The following CLDN14 variants were observed in gnomAD, a reference collection of about 807,000 sequenced individuals.
CLDN14 encodes the protein claudin-14.
CLDN14 carries 2 observed loss-of-function variants against 2.1 expected under a neutral mutation model. The ratio of observed to expected loss-of-function variants is 0.96; its 90% CI spans 0.39 to 3.01. The LOEUF (loss-of-function observed/expected upper bound fraction) is 3.01. CLDN14 is among the 30% of genes most tolerant of loss of function. The pLI, the probability that CLDN14 is intolerant of heterozygous loss-of-function variation, is 0.09. For missense variants in CLDN14, 298 were observed against 328.0 expected, an observed-to-expected ratio of 0.91 and a Z score of 0.71; for synonymous variants, 136 against 154.4, an observed-to-expected ratio of 0.88 and a Z score of 0.88.
intron 1 of CLDN14, among the ~76,000 whole-genome samples, chr21:36,467,059 G>A (rs1037562551): frequency 6.6e-6 from 1 of 152,172 alleles, no homozygotes; most frequent in Admixed American, 6.5e-5. Context: ...TCTGTGAAAG[G>A]CAATTGTGAA....
intron 1 of CLDN14, among the ~76,000 whole-genome samples, chr21:36,538,018 CAGAG>C (rs915036194): frequency 2.3e-5 from 3 of 130,222 alleles, no homozygotes; most frequent in Non-Finnish European, 3.5e-5. Flanking sequence ...TGTGTGTGTA[CAGAG>C]AGAGAGAGAG....
intron 2 of CLDN14, among the ~76,000 whole-genome samples, chr21:36,490,580 G>A (rs1463407827): frequency 6.6e-6 from 1 of 150,788 alleles, no homozygotes; most frequent in Non-Finnish European, 1.5e-5. Context: ...GTAGAGATGG[G>A]GTTTAACCAT....
intron 2 of CLDN14, among the ~76,000 whole-genome samples, chr21:36,492,427 C>T (rs1484532922): frequency 1.3e-4 from 10 of 77,686 alleles, no homozygotes; most frequent in Admixed American, 1.2e-3. Context: ...GGCGACAGAG[C>T]GAGACTCCGT....
At chr21:36,541,986 C>G in intron 1 of CLDN14, among the ~76,000 whole-genome samples, 1 of 152,250 alleles carries the variant, frequency 6.6e-6, no homozygotes, top group Admixed American at 6.5e-5. Context: ...CAGCCAGAGT[C>G]TCCCTCTGTC....
chr21:36,544,146 C>G lies in CLDN14; in HGVS notation c.-220+32265G>C, dbSNP rs1319531393. On this transcript the variant is annotated intron_variant, in intron 1 of 2. Coordinates refer to the CLDN14 transcript ENST00000342108. The surrounding 1 kb of genome is among the most constrained non-coding windows in gnomAD (Gnocchi z 4.1). Reference sequence around the variant, plus strand: ...ACACCAGCCCTTGGCTCCCTCCAACCCAGGTTTCCATTACCATGGTGCTGC... The same window carrying G: ...ACACCAGCCCTTGGCTCCCTCCAACGCAGGTTTCCATTACCATGGTGCTGC... 6.6e-6 allele frequency among the ~76,000 whole-genome samples: 1 copy of G among 152,252 alleles called. No homozygotes were observed. Among genetic ancestry groups the G allele is most frequent in the African/African-American group, 2.4e-5 (1 of 41,464 alleles).
At chr21:36,520,519 T>A (rs2087261724) in intron 1 of CLDN14, among the ~76,000 whole-genome samples, 1 of 152,234 alleles carries the variant, frequency 6.6e-6, no homozygotes, top group South Asian at 2.1e-4. Flanking sequence ...CACTTGGTTC[T>A]CATTCTGTCT....
chr21:36,472,733 T>C (rs2086725571), intron 1 of CLDN14, among the ~76,000 whole-genome samples: 1 of 152,196 alleles, frequency 6.6e-6, no homozygotes. Flanking sequence ...AGGTTCTGGC[T>C]GCTTGGGTTC....
rs58621477 is a variant in CLDN14, at chr21:36,489,800, C to T, written c.-82+20563G>A. Among the ~76,000 whole-genome samples the T allele has an allele frequency of 7.5e-3, 1,148 of 152,354 alleles. 13 individuals carry two copies. Among genetic ancestry groups the T allele is most frequent in the African/African-American group, 0.026 (1,068 of 41,576 alleles). Reference sequence around the variant, plus strand: ...TGCCAGGCATCATGTCCAGTCCTCACGGCTGGCCATAAGAAGATCCGGGCC... The same window carrying T: ...TGCCAGGCATCATGTCCAGTCCTCATGGCTGGCCATAAGAAGATCCGGGCC... On this transcript the variant is annotated intron_variant, in intron 2 of 2. Transcript: ENST00000342108.
At chr21:36,552,077 A>G (rs2087566946) in intron 1 of CLDN14, among the ~76,000 whole-genome samples, 1 of 152,236 alleles carries the variant, frequency 6.6e-6, no homozygotes, top group East Asian at 1.9e-4. Flanking sequence ...GCAACTGATT[A>G]TGTTCCTCAG....
intron 2 of CLDN14, among the ~76,000 whole-genome samples, chr21:36,492,687 T>C (rs916730518): frequency 1.3e-5 from 2 of 152,154 alleles, no homozygotes; most frequent in African/African-American, 4.8e-5. Flanking sequence ...CAATGGCTGC[T>C]GTCCTTACAA....
chr21:36,500,103 G>A (rs2087080237), intron 2 of CLDN14, among the ~76,000 whole-genome samples: 1 of 152,206 alleles, frequency 6.6e-6, no homozygotes. Context: ...TGGCTTAGCT[G>A]CAAAGTTCCC....
chr21:36,493,202 A>G (rs1034004447), intron 2 of CLDN14, among the ~76,000 whole-genome samples: 5 of 152,008 alleles, frequency 3.3e-5, no homozygotes, highest in African/African-American at 1.2e-4. Flanking sequence ...AGCAGCTGTG[A>G]GGGGCTGTGA....
intron 1 of CLDN14, among the ~76,000 whole-genome samples, chr21:36,566,955 A>C (rs971663729): frequency 9.9e-5 from 15 of 152,208 alleles, no homozygotes; most frequent in African/African-American, 3.6e-4. Flanking sequence ...GCTGATTACA[A>C]ACTCGTAAGC....
intron 2 of CLDN14, among the ~76,000 whole-genome samples, chr21:36,509,815 C>T (rs146401233): frequency 1.2e-3 from 183 of 152,194 alleles, no homozygotes; most frequent in Admixed American, 2.3e-3. Context: ...AGGCTAGTCT[C>T]GAACTCCTGA....
At chr21:36,486,072 T>C in intron 2 of CLDN14, 1 of 1,394,342 alleles carries the variant, frequency 7.2e-7, no homozygotes, top group Non-Finnish European at 1.0e-6. Context: ...ATGGCTTCAT[T>C]GTTGGGATCC....
rs144714609 is a variant in CLDN14, at chr21:36,485,339, G to T, written c.-81-23563C>A. ...TTCTCTTGCCTCAGCCTCCCAAGTA[G>T]CTGGGATTACAGGCATGCACCACCA... On this transcript the variant is annotated intron_variant, in intron 2 of 2. Transcript: ENST00000342108. 7.0e-3 allele frequency among the ~76,000 whole-genome samples: 1,066 copies of T among 152,030 alleles called. 18 individuals are homozygous for T. The highest frequency in any genetic ancestry group is 0.023 in the African/African-American group (937 of 41,494).
upstream of CLDN14, among the ~76,000 whole-genome samples, chr21:36,484,312 T>G (rs2086874174): frequency 6.6e-6 from 1 of 152,194 alleles, no homozygotes; most frequent in Non-Finnish European, 1.5e-5. Context: ...AACAGTGAAT[T>G]GCAAATTCAG....
At chr21:36,555,862 AGTGT>A (rs35050626) in intron 1 of CLDN14, among the ~76,000 whole-genome samples, 2 of 142,814 alleles carry the variant, frequency 1.4e-5, no homozygotes, top group African/African-American at 2.8e-5. Flanking sequence ...AGAGAGAGAG[AGTGT>A]GTGTGTGTGT....
chr21:36,569,665 C>G (rs1463593598), intron 1 of CLDN14, among the ~76,000 whole-genome samples: 1 of 152,076 alleles, frequency 6.6e-6, no homozygotes, highest in East Asian at 1.9e-4. Context: ...CCTAATAACC[C>G]GCAGAACCAA....
Sources: gnomAD v4.1 joint callset for allele counts (sites outside exome capture counted in the v4.1 genomes callset) on GRCh38, gnomAD v4.1.1 for gene constraint, Gnocchi (gnomAD v3.1) non-coding constraint, MANE v1.5 for transcripts, NCBI Gene and HGNC (gene_info 2026-07-23, HGNC 2026-07-21) for gene names.